The following SOX6 variants were observed in gnomAD, a reference collection of about 807,000 sequenced individuals.
The protein encoded by SOX6 is transcription factor SOX-6.
In SOX6, 11 loss-of-function variants were observed where a neutral mutation model predicts 97.8. The ratio of observed to expected loss-of-function variants is 0.11; its 90% CI spans 0.07 to 0.19. The LOEUF (loss-of-function observed/expected upper bound fraction) is 0.19, where lower values mean the gene tolerates loss of function less well. Among genes scored for constraint, SOX6 ranks in the 10% least tolerant of loss-of-function variants. The pLI, the probability that SOX6 is intolerant of heterozygous loss-of-function variation, is 1.00. For synonymous variants in SOX6, 360 were observed against 371.4 expected (o/e 0.97, Z 0.35); for missense variants, 810 against 1,039.5 (o/e 0.78, Z 3.04).
intron 11 of SOX6, 104 bp downstream of exon 11, chr11:16,049,651 T>G: frequency 7.4e-7 from 1 of 1,344,274 alleles, no homozygotes; most frequent in East Asian, 2.3e-5. Context: ...GTATTATCTT[T>G]TACTAAGGAG....
At chr11:16,268,301 C>T (rs962096) in intron 3 of SOX6, among the ~76,000 whole-genome samples, 117,956 of 150,828 alleles carry the variant, frequency 0.78, 46,264 homozygotes, top group Non-Finnish European at 0.8. Flanking sequence ...CCCATAAATA[C>T]ATACAACTAT....
chr11:16,283,823 C>G (rs1378517976), intron 3 of SOX6: 1 of 354,924 alleles, frequency 2.8e-6, no homozygotes, highest in African/African-American at 2.2e-5. Flanking sequence ...ATTTCAGTTA[C>G]TTTTTAAAAA....
chr11:16,624,217 C>T (rs7483804), intron 3 of SOX6, among the ~76,000 whole-genome samples: 25,103 of 85,272 alleles, frequency 0.29, 2,737 homozygotes, highest in Admixed American at 0.44. Context: ...GAGATGGAGT[C>T]TTGCTCTGTT....
intron 3 of SOX6, among the ~76,000 whole-genome samples, chr11:16,242,974 T>A (rs947326844): frequency 4.6e-5 from 7 of 151,900 alleles, no homozygotes; most frequent in African/African-American, 9.7e-5. Context: ...CTATCTCCAC[T>A]GTACATACCT....
chr11:16,309,792 C>T (rs999541516), intron 3 of SOX6, among the ~76,000 whole-genome samples: 1 of 152,072 alleles, frequency 6.6e-6, no homozygotes, highest in African/African-American at 2.4e-5. Context: ...AAACTGTCCC[C>T]TATTATTTCC....
chr11:16,163,760 T>C (rs1315991728), intron 6 of SOX6, among the ~76,000 whole-genome samples: 1 of 152,186 alleles, frequency 6.6e-6, no homozygotes, highest in Non-Finnish European at 1.5e-5. Flanking sequence ...GGAATGGCAA[T>C]CCAAGCAAGA....
intron 3 of SOX6, chr11:16,264,898 C>G (rs1157517950): frequency 6.8e-6 from 1 of 147,226 alleles, no homozygotes; most frequent in Non-Finnish European, 1.5e-5. Context: ...AATAAGGTTT[C>G]AAGATTGCTC....
chr11:16,565,823 G>T (rs191562221), intron 4 of SOX6, among the ~76,000 whole-genome samples: 1 of 151,656 alleles, frequency 6.6e-6, no homozygotes, highest in Admixed American at 6.6e-5. Flanking sequence ...TAGGCCGGGC[G>T]CAGTGGCTCA....
chr11:16,319,163 G>T (rs1420803729), intron 2 of SOX6, among the ~76,000 whole-genome samples: 2 of 152,166 alleles, frequency 1.3e-5, no homozygotes, highest in African/African-American at 4.8e-5. Flanking sequence ...TTGTTCACCA[G>T]AAAATACAGA....
intron 4 of SOX6, among the ~76,000 whole-genome samples, chr11:16,506,287 G>T (rs927309077): frequency 6.6e-6 from 1 of 152,196 alleles, no homozygotes; most frequent in Non-Finnish European, 1.5e-5. Flanking sequence ...AGTTGAAGGA[G>T]ATTATTTTGG....
chr11:16,357,653 C>T (rs1239640041), upstream of SOX6, among the ~76,000 whole-genome samples: 1 of 152,136 alleles, frequency 6.6e-6, no homozygotes, highest in African/African-American at 2.4e-5. Flanking sequence ...TTGGTTTTTG[C>T]TACACCCAGC....
At chr11:15,996,317 T>C (rs570874573) in intron 13 of SOX6, among the ~76,000 whole-genome samples, 85 of 152,244 alleles carry the variant, frequency 5.6e-4, no homozygotes, top group African/African-American at 1.9e-3. Context: ...AGTGAATCCT[T>C]AGAAAAACCA....
chr11:16,311,195 A>T (rs1312423961), intron 3 of SOX6: 1 of 152,158 alleles, frequency 6.6e-6, no homozygotes, highest in Non-Finnish European at 1.5e-5. Context: ...ACACCATGGG[A>T]CATTTCCTAT....
At chr11:16,086,165 A>C (rs1341422587) in intron 9 of SOX6, among the ~76,000 whole-genome samples, 1 of 152,224 alleles carries the variant, frequency 6.6e-6, no homozygotes, top group Non-Finnish European at 1.5e-5. Flanking sequence ...AGTCTCTTTA[A>C]GCTACAGGTT....
At chr11:16,628,648 A>C (rs1848660576) in intron 3 of SOX6, among the ~76,000 whole-genome samples, 1 of 151,992 alleles carries the variant, frequency 6.6e-6, no homozygotes, top group Non-Finnish European at 1.5e-5. Context: ...AAGAAAAGAA[A>C]AGAAAAATGA....
intron 3 of SOX6, among the ~76,000 whole-genome samples, chr11:16,714,563 T>C (rs540619753): frequency 1.3e-5 from 2 of 149,550 alleles, no homozygotes; most frequent in African/African-American, 4.9e-5. Context: ...GCAATTCTCC[T>C]GCCTCAGCCT....
intron 13 of SOX6, among the ~76,000 whole-genome samples, chr11:16,005,830 G>A (rs1243065553): frequency 9.2e-5 from 14 of 151,974 alleles, no homozygotes. Context: ...ACATGCCATA[G>A]CCTATTCCCA....
chr11:16,536,875 C>T (rs1165687931), intron 4 of SOX6, among the ~76,000 whole-genome samples: 3 of 152,236 alleles, frequency 2.0e-5, no homozygotes, highest in Admixed American at 6.5e-5. Context: ...GTAGGCAGGG[C>T]ATAGCTGAAC....
At chr11:16,139,768 G>T (rs926091591) in intron 6 of SOX6, among the ~76,000 whole-genome samples, 19 of 151,422 alleles carry the variant, frequency 1.3e-4, no homozygotes, top group African/African-American at 4.6e-4. Flanking sequence ...AATATATTTA[G>T]ATGTATTATA....
Sources: allele counts gnomAD v4.1 joint callset (sites outside exome capture counted in the v4.1 genomes callset), GRCh38; gene constraint gnomAD v4.1.1; transcripts MANE v1.5; gene names NCBI Gene and HGNC (gene_info 2026-07-23, HGNC 2026-07-21).